The following MIPOL1 variants were observed in gnomAD, a reference collection of about 807,000 sequenced individuals.
MIPOL1 encodes the protein mirror-image polydactyly 1, also known as mirror-image polydactyly gene 1 protein.
Under a neutral mutation model 60.9 loss-of-function variants are expected in MIPOL1, and 57 were observed. That is an observed-to-expected ratio of 0.94 (90% CI 0.76 to 1.17). The LOEUF (loss-of-function observed/expected upper bound fraction) is 1.17. MIPOL1 is among the 50% of genes most tolerant of loss of function. MIPOL1 has a pLI of 0.00. For synonymous variants in MIPOL1, 179 were observed against 168.8 expected (o/e 1.06, Z -0.47); for missense variants, 551 against 511.6 (o/e 1.08, Z -0.74).
intron 1 of MIPOL1, among the ~76,000 whole-genome samples, chr14:37,232,200 C>T (rs11850049): frequency 0.42 from 63,178 of 152,032 alleles, 15,873 homozygotes; most frequent in African/African-American, 0.72. Context: ...GTTATAAAGA[C>T]ACACTGTGAA....
chr14:37,398,481 G>A (rs2093420602), intron 10 of MIPOL1, among the ~76,000 whole-genome samples: 1 of 152,104 alleles, frequency 6.6e-6, no homozygotes, highest in Admixed American at 6.6e-5. Flanking sequence ...CTGCAATGTA[G>A]TCCTGCCTCC....
At chr14:37,516,061 C>G (rs1037533378) in intron 12 of MIPOL1, among the ~76,000 whole-genome samples, 2 of 152,208 alleles carry the variant, frequency 1.3e-5, no homozygotes, top group African/African-American at 4.8e-5. Flanking sequence ...ACACAAAGCT[C>G]TTTTCATCAA....
intron 9 of MIPOL1, among the ~76,000 whole-genome samples, chr14:37,357,414 TTTG>T (rs2091923698): frequency 6.6e-6 from 1 of 152,082 alleles, no homozygotes; most frequent in African/African-American, 2.4e-5. Context: ...CTCACCAGCA[TTTG>T]TTATTACTTG....
intron 3 of MIPOL1, among the ~76,000 whole-genome samples, chr14:37,264,977 T>G (rs2082770376): frequency 1.3e-5 from 2 of 152,214 alleles, no homozygotes; most frequent in African/African-American, 4.8e-5. Context: ...GTATGTTCAC[T>G]TTTAATTTAT....
chr14:37,541,706 G>A (rs2095530431), intron 12 of MIPOL1, among the ~76,000 whole-genome samples: 1 of 152,128 alleles, frequency 6.6e-6, no homozygotes, highest in Non-Finnish European at 1.5e-5. Context: ...GCACGTATGA[G>A]ATCAGTCATT....
intron 1 of MIPOL1, among the ~76,000 whole-genome samples, chr14:37,204,244 AT>A (rs1298188154): frequency 6.6e-6 from 1 of 152,146 alleles, no homozygotes; most frequent in Non-Finnish European, 1.5e-5. Context: ...TCAATTTCTG[AT>A]TTTTAGCAAC....
intron 9 of MIPOL1, among the ~76,000 whole-genome samples, chr14:37,312,628 A>G (rs1034094529): frequency 1.3e-5 from 2 of 152,178 alleles, no homozygotes; most frequent in African/African-American, 4.8e-5. Flanking sequence ...TATCTTTTTC[A>G]GATAAATCCT....
At chr14:37,400,659 G>T (rs1051053052) in intron 10 of MIPOL1, 2 of 152,072 alleles carry the variant, frequency 1.3e-5, no homozygotes, top group African/African-American at 4.8e-5. Context: ...GCAATGGAAT[G>T]GAGGTTATTT....
intron 10 of MIPOL1, among the ~76,000 whole-genome samples, chr14:37,419,842 G>A (rs2093839838): frequency 1.3e-5 from 2 of 151,822 alleles, no homozygotes; most frequent in African/African-American, 4.8e-5. Context: ...CTGGGCTCAA[G>A]CAATCCTCCT....
chr14:37,363,389 G>C (rs913048043), intron 9 of MIPOL1, among the ~76,000 whole-genome samples: 3 of 152,154 alleles, frequency 2.0e-5, no homozygotes, highest in Non-Finnish European at 4.4e-5. Context: ...AGGTCCATTG[G>C]AGTTTGCTGG....
Position 37,310,682 on chromosome 14 carries a change from A to G in MIPOL1, c.828+2163A>G, listed in dbSNP as rs149164453. ...TATCCAAAATGCCTTACCACCTCCC[A>G]TGGAGGCTGAGTGGAAGTTTTGGTA... On this transcript the variant is annotated intron_variant, in intron 9 of 12. Coordinates refer to ENST00000684589, the MANE Select transcript of MIPOL1 (RefSeq NM_001388067.1). 1.7e-3 allele frequency among the ~76,000 whole-genome samples: 254 copies of G among 152,132 alleles called. 1 individual carries two copies. The highest frequency in any genetic ancestry group is 5.8e-3 in the African/African-American group (240 of 41,512).
intron 6 of MIPOL1, among the ~76,000 whole-genome samples, chr14:37,274,577 A>AT (rs1489781943): frequency 2.0e-5 from 3 of 151,278 alleles, no homozygotes; most frequent in African/African-American, 7.3e-5. Context: ...GATCTCAGGC[A>AT]TTTTTTTGCC....
At chr14:37,290,166 A>G (rs1386212471) in intron 7 of MIPOL1, among the ~76,000 whole-genome samples, 1 of 152,122 alleles carries the variant, frequency 6.6e-6, no homozygotes, top group African/African-American at 2.4e-5. Flanking sequence ...GTCTTCTGAC[A>G]TTGTTTGCCT....
At position 37,547,545 on chromosome 14, in the gene MIPOL1, T is replaced by G. The variant is rs1054680253; in HGVS notation, c.*574T>G. The G allele has an allele frequency of 3.9e-5, 6 of 152,714 alleles. No individual in the cohort carries two copies. Among genetic ancestry groups the G allele is most frequent in the Admixed American group, 3.9e-4 (6 of 15,294 alleles). The allele number at this position is 152,714 out of a possible 1,614,324, so 9.5% of individuals were successfully genotyped here. A position where few individuals can be genotyped will look rare whatever the true frequency, so the allele number is the denominator to read the frequency against. On this transcript the variant is annotated 3_prime_UTR_variant, in exon 13 of 13. Coordinates refer to ENST00000684589, the MANE Select transcript of MIPOL1 (RefSeq NM_001388067.1). The stretch of plus-strand genomic sequence containing the variant: ...GGTGCCAAGAATTAAATGTATAATT[T>G]GTTTAATAAGAGATGGATATATTAA...
Position 37,551,125 on chromosome 14 carries a change from T to A in MIPOL1, c.*4154T>A, listed in dbSNP as rs1273489548. The A allele has an allele frequency of 6.6e-6, 1 of 152,150 alleles. No individual in the cohort carries two copies. The highest frequency in any genetic ancestry group is 1.5e-5 in the Non-Finnish European group (1 of 67,996). The allele number at this position is 152,150 out of a possible 1,614,324, so 9.4% of individuals were successfully genotyped here. On this transcript the variant is annotated 3_prime_UTR_variant, in exon 13 of 13. Coordinates refer to ENST00000684589, the MANE Select transcript of MIPOL1 (RefSeq NM_001388067.1). ...TTGTCTTCTAAATATAGTTTTGGTG[T>A]ATGCTGGTATTTTAGAAGCCACCAA... is the stretch of plus-strand genomic sequence containing the variant.
chr14:37,291,914 ATTTT>A (rs57230205), intron 7 of MIPOL1, among the ~76,000 whole-genome samples: 2 of 92,990 alleles, frequency 2.2e-5, no homozygotes, highest in Non-Finnish European at 1.9e-5. Context: ...AATGGCAATA[ATTTT>A]TTTTTTTTTT....
chr14:37,426,564 A>G (rs1021471771), intron 11 of MIPOL1, among the ~76,000 whole-genome samples: 1 of 20,620 alleles, frequency 4.8e-5, no homozygotes, highest in African/African-American at 1.7e-4. Context: ...TCTGTCTCAA[A>G]ATATACATAT....
In MIPOL1 at chr14:37,550,513, T is replaced by TATATATATATATATATATATAC. The variant is rs1220895783; in HGVS notation, c.*3543_*3544insTATATATATATATATATATACA. 61 of 146,450 alleles carry TATATATATATATATATATATAC rather than the reference T, an allele frequency of 4.2e-4. No individual in the cohort carries two copies. Among genetic ancestry groups the TATATATATATATATATATATAC allele is most frequent in the African/African-American group, 1.5e-3 (61 of 39,532 alleles). The allele number at this position is 146,450 out of a possible 1,614,324, so 9.1% of individuals were successfully genotyped here. On this transcript the variant is annotated 3_prime_UTR_variant, in exon 13 of 13. Coordinates refer to ENST00000684589, the MANE Select transcript of MIPOL1 (RefSeq NM_001388067.1). ...TATTTTACATATATATATATATATA[T>TATATATATATATATATATATAC]ACATGCACACACACCGATACATTTA...
intron 9 of MIPOL1, among the ~76,000 whole-genome samples, chr14:37,309,097 TG>T (rs2087052980): frequency 7.0e-6 from 1 of 142,620 alleles, no homozygotes; most frequent in Non-Finnish European, 1.5e-5. Flanking sequence ...GCTTGTTTCT[TG>T]TTATTTTATT....
Sources: gnomAD v4.1 joint callset for allele counts (sites outside exome capture counted in the v4.1 genomes callset) on GRCh38, gnomAD v4.1.1 for gene constraint, MANE v1.5 for transcripts, NCBI Gene and HGNC (gene_info 2026-07-23, HGNC 2026-07-21) for gene names.